USH2A: variants seen among roughly 807,000 people sequenced by gnomAD.
USH2A encodes usherin, also known as Usher syndrome 2A (autosomal recessive, mild).
USH2A carries 443 observed loss-of-function variants against 538.9 expected under a neutral mutation model. The ratio of observed to expected loss-of-function variants is 0.82; its 90% confidence interval spans 0.76 to 0.89. The LOEUF is 0.89. USH2A is among the 40% of genes least tolerant of loss of function. USH2A has a pLI of 0.00. For synonymous variants in USH2A, 2,413 were observed against 2,273.5 expected (o/e 1.06, Z -1.75); for missense variants, 6,633 against 6,324.8 (o/e 1.05, Z -1.65).
At position 215,996,578 on chromosome 1, in the gene USH2A, T is replaced by G. The variant is rs869182934; in HGVS notation, c.6657+2309A>C. ...ATATTATGTTTTTTTTTTTTTTTTT[T>G]TTTTTTTTTTTTTTTTTGCAGTGGA... On this transcript the variant is annotated intron_variant, in intron 34 of 71. Transcript: ENST00000307340. 8.2e-3 allele frequency among the ~76,000 whole-genome samples: 1,136 copies of G among 137,942 alleles called. 7 individuals are homozygous for G. The highest frequency in any genetic ancestry group is 0.014 in the Non-Finnish European group (913 of 64,388). The allele number at this position is 137,942 out of a possible 152,430, so 90.5% of individuals were successfully genotyped here.
chr1:216,354,693 C>CA (rs954612478), intron 4 of USH2A, among the ~76,000 whole-genome samples: 1 of 151,172 alleles, frequency 6.6e-6, no homozygotes, highest in Admixed American at 6.6e-5. Context: ...AACTGAAACA[C>CA]AAAAAAGAGT....
intron 3 of USH2A, among the ~76,000 whole-genome samples, chr1:216,407,513 C>T (rs1160613491): frequency 6.6e-6 from 1 of 151,904 alleles, no homozygotes; most frequent in Non-Finnish European, 1.5e-5. Flanking sequence ...GCATAGAATA[C>T]TTTTGAATGT....
chr1:215,759,180 T>A (rs796201263), intron 57 of USH2A, among the ~76,000 whole-genome samples: 21 of 152,172 alleles, frequency 1.4e-4, no homozygotes, highest in African/African-American at 5.1e-4. Flanking sequence ...ATCTGTTGAT[T>A]TAAGATATGT....
At chr1:215,886,995 C>G (rs1380219520) in intron 41 of USH2A, among the ~76,000 whole-genome samples, 1 of 151,966 alleles carries the variant, frequency 6.6e-6, no homozygotes, top group African/African-American at 2.4e-5. Flanking sequence ...GTAGCTGGGA[C>G]TATAGGTGCC....
intron 30 of USH2A, among the ~76,000 whole-genome samples, chr1:216,058,343 T>C (rs923008588): frequency 3.3e-5 from 5 of 149,382 alleles, no homozygotes; most frequent in Admixed American, 3.3e-4. Context: ...ACTTTCATTG[T>C]CTACATAATC....
chr1:216,285,152 G>A (rs532833498), intron 11 of USH2A, among the ~76,000 whole-genome samples: 1 of 152,298 alleles, frequency 6.6e-6, no homozygotes, highest in African/African-American at 2.4e-5. Context: ...GACAATGGGG[G>A]AAAGTGTCTC....
chr1:215,854,687 G>A (rs1046226463), intron 44 of USH2A, among the ~76,000 whole-genome samples: 2 of 152,176 alleles, frequency 1.3e-5, no homozygotes, highest in Non-Finnish European at 2.9e-5. Flanking sequence ...GCTTGAGGAG[G>A]CAGTGCCTGA....
intron 35 of USH2A, among the ~76,000 whole-genome samples, chr1:215,989,775 G>C (rs1166394776): frequency 5.3e-5 from 8 of 151,976 alleles, no homozygotes; most frequent in Non-Finnish European, 2.9e-5. Context: ...AGCAAGCAGA[G>C]AGATGGAGAC....
intron 21 of USH2A, among the ~76,000 whole-genome samples, chr1:216,102,288 G>A (rs1200700104): frequency 6.6e-6 from 1 of 151,112 alleles, no homozygotes; most frequent in Admixed American, 6.6e-5. Context: ...AAATGAAAAG[G>A]AAACACAAAG....
At chr1:216,423,141 C>G (rs904746315) in intron 1 of USH2A, 73 bp downstream of exon 1, 2 of 152,128 alleles carry the variant, frequency 1.3e-5, no homozygotes, top group African/African-American at 4.8e-5. Context: ...CCTCATATGA[C>G]TATGAATTTG....
At chr1:216,026,658 A>G (rs1001824791) in intron 32 of USH2A, among the ~76,000 whole-genome samples, 1 of 152,178 alleles carries the variant, frequency 6.6e-6, no homozygotes, top group African/African-American at 2.4e-5. Context: ...TACTATACAC[A>G]TATGCTGATC....
At chr1:216,112,508 C>T (rs2032899705) in intron 21 of USH2A, among the ~76,000 whole-genome samples, 1 of 152,084 alleles carries the variant, frequency 6.6e-6, no homozygotes, top group Non-Finnish European at 1.5e-5. Context: ...AGGTTTGTTA[C>T]ATACATGAAT....
chr1:216,209,259 T>G (rs990192731), intron 15 of USH2A, among the ~76,000 whole-genome samples: 1 of 152,170 alleles, frequency 6.6e-6, no homozygotes, highest in African/African-American at 2.4e-5. Flanking sequence ...GCAGTTAGCT[T>G]GAGGCTGCTT....
At chr1:216,317,706 AGCCGC>A (rs1471776996) in intron 9 of USH2A, among the ~76,000 whole-genome samples, 1 of 151,826 alleles carries the variant, frequency 6.6e-6, no homozygotes, top group Non-Finnish European at 1.5e-5. Context: ...ACAAAAAGTT[AGCCGC>A]GTGTGGTGGT....
intron 20 of USH2A, among the ~76,000 whole-genome samples, chr1:216,177,437 A>G (rs1266573310): frequency 6.6e-6 from 1 of 152,182 alleles, no homozygotes; most frequent in East Asian, 1.9e-4. Flanking sequence ...CAAACAAGCA[A>G]TAGCACTCTG....
At chr1:216,069,239 G>A (rs1318695825) in intron 30 of USH2A, among the ~76,000 whole-genome samples, 1 of 152,096 alleles carries the variant, frequency 6.6e-6, no homozygotes, top group Non-Finnish European at 1.5e-5. Context: ...AAGAAGTGAA[G>A]GGTGTGAATT....
intron 21 of USH2A, among the ~76,000 whole-genome samples, chr1:216,165,975 CCT>C (rs931567861): frequency 5.7e-4 from 87 of 152,172 alleles, no homozygotes; most frequent in African/African-American, 2.1e-3. Context: ...CACACTTTCC[CCT>C]GAGTCCCCAA....
intron 1 of USH2A, 21 bp from the exon 2 acceptor site, chr1:216,422,561 G>A (rs2039697779): frequency 3.6e-6 from 2 of 563,108 alleles, no homozygotes; most frequent in African/African-American, 1.9e-5. Flanking sequence ...AAAACGTAGG[G>A]CGTCAAGGGA....
intron 33 of USH2A, among the ~76,000 whole-genome samples, chr1:215,999,392 G>C (rs572517812): frequency 1.2e-4 from 18 of 152,234 alleles, no homozygotes; most frequent in Admixed American, 1.2e-3. Context: ...ATGGGGAAAA[G>C]AGGGAATAAT....
Sources: gnomAD v4.1 joint callset for allele counts (sites outside exome capture counted in the v4.1 genomes callset) on GRCh38, gnomAD v4.1.1 for gene constraint, MANE v1.5 for transcripts, NCBI Gene and HGNC (gene_info 2026-07-23, HGNC 2026-07-21) for gene names.